Variants in KLK13 observed in about 807,000 individuals in gnomAD.
KLK13 encodes the protein kallikrein related peptidase 13, also known as kallikrein-13.
In KLK13, 19 loss-of-function variants were observed where a neutral mutation model predicts 22.4. That is an observed-to-expected ratio of 0.85 (90% CI 0.59 to 1.24). KLK13 has a LOEUF of 1.24. Among genes scored for constraint, KLK13 ranks in the 50% most tolerant of loss-of-function variants. The pLI, the probability that KLK13 is intolerant of heterozygous loss-of-function variation, is 0.00. For synonymous variants in KLK13, 156 were observed against 141.8 expected (o/e 1.10, Z -0.71); for missense variants, 311 against 347.9 (o/e 0.89, Z 0.84).
At position 51,056,263 on chromosome 19, in the gene KLK13, T is replaced by A; in HGVS notation, c.*324A>T. On this transcript the variant is annotated 3_prime_UTR_variant, in exon 5 of 5. Transcript: ENST00000595793. ...TGTTGAGATGGGCTGATGGAAATAT[T>A]TAAGAATGTGCCACAGACAGAACGT... 1 of 298,628 alleles carries A rather than the reference T, an allele frequency of 3.3e-6. No individual in the cohort carries two copies. The highest frequency in any genetic ancestry group is 6.3e-6 in the Non-Finnish European group (1 of 159,016). The allele number at this position is 298,628 out of a possible 1,614,324, so 18.5% of individuals were successfully genotyped here.
At position 51,060,583 on chromosome 19, in the gene KLK13, T is replaced by A. The variant is rs778782075; in HGVS notation, c.89A>T (p.Asn30Ile). The change falls in exon 2 of 5, where the codon AAT (asparagine) becomes ATT (isoleucine). Residue 30 changes from asparagine to isoleucine, a missense_variant. By Grantham distance (149) the Asn-to-Ile change is moderately radical. Coordinates refer to ENST00000595793, the MANE Select transcript of KLK13 (RefSeq NM_015596.3). The part of the protein sequence containing the change: ...SQESSKVLNT[N>I]GTSGFLPGGY... ...ACCTGGGAGAAACCCACTGGTCCCA[T>A]TGGTGTTGAGAACCTTGGAAGACTC... 6.2e-7 allele frequency: 1 copy of A among 1,612,384 alleles called. No homozygotes were observed. The highest frequency in any genetic ancestry group is 1.1e-5 in the South Asian group (1 of 90,860).
Position 51,058,467 on chromosome 19 carries a change from T to C in KLK13, c.645+71A>G. 4.4e-6 allele frequency: 7 copies of C among 1,578,822 alleles called. No homozygotes were observed. The South Asian group carries it at 5.6e-5, about 13-fold the overall frequency. On this transcript the variant is annotated intron_variant, in intron 4 of 4. Coordinates refer to ENST00000595793, the MANE Select transcript of KLK13 (RefSeq NM_015596.3). ...CCCTAAGGCTGGAAACAAAGCTTTT[T>C]CCCCAGCATCTGTCACTTCCATTCT...
rs939738010 is a variant in KLK13, at chr19:51,058,585, T to C, written c.598A>G (p.Asn200Asp). 6.2e-7 allele frequency: 1 copy of C among 1,614,162 alleles called. No individual in the cohort carries two copies. Among genetic ancestry groups the C allele is most frequent in the Non-Finnish European group, 8.5e-7 (1 of 1,180,018 alleles). ...RQVYPGKITD[N>D]MLCAGTKEGG... is the part of the protein sequence containing the mutation. ...TCTTTTGTGCCGGCACACAACATGTTGTCAGTGATCTTTCCTGGGTAGACT... is the reference window on the plus strand; with the variant it reads ...TCTTTTGTGCCGGCACACAACATGTCGTCAGTGATCTTTCCTGGGTAGACT... Residue 200 changes from asparagine (N) to aspartate (D), a missense_variant, in exon 4 of 5, where the codon AAC (asparagine) becomes GAC (aspartate). Asn to Asp is a conservative substitution (Grantham distance 23). Coordinates refer to ENST00000595793, the MANE Select transcript of KLK13 (RefSeq NM_015596.3).
chr19:51,056,306 C>T lies in KLK13; in HGVS notation c.*281G>A, dbSNP rs1333773524. On this transcript the variant is annotated 3_prime_UTR_variant, in exon 5 of 5. Transcript: ENST00000595793. ...CAGAACGTTCAGGTGGTGATCTGGG[C>T]TCATAGAAGCCACACTGATGAAGTT... 4.9e-6 allele frequency: 2 copies of T among 409,844 alleles called. No homozygotes were observed. The highest frequency in any genetic ancestry group is 4.0e-5 in the African/African-American group (2 of 49,718). 25.4% of individuals were successfully genotyped at this position (409,844 alleles called of 1,614,324 possible).
chr19:51,060,148 C>A, intron 2 of KLK13, 55 bp from the exon 3 acceptor site: 1 of 1,596,728 alleles, frequency 6.3e-7, no homozygotes, highest in Non-Finnish European at 8.5e-7. Flanking sequence ...TTTCCATCCC[C>A]ATCCCAGCCC....
At position 51,059,982 on chromosome 19, in the gene KLK13, G is replaced by T. The variant is rs1369045672; in HGVS notation, c.351C>A (p.Thr117=). The T allele has an allele frequency of 6.2e-7, 1 of 1,613,618 alleles. No homozygotes were observed. The highest frequency in any genetic ancestry group is 8.5e-7 in the Non-Finnish European group (1 of 1,179,686). Residue 117 remains threonine (T), a synonymous_variant, in exon 3 of 5, where the codon ACC becomes ACA. Coordinates refer to ENST00000595793, the MANE Select transcript of KLK13 (RefSeq NM_015596.3). ...IPHPEYRRSP[T]HLNHDHDIML... is the part of the protein sequence containing the mutation. ...TGATGTCATGGTCGTGGTTCAGGTG[G>T]GTGGGGCTTCTCCGGTATTCAGGGT...
chr19:51,056,480 G>T lies in KLK13; in HGVS notation c.*107C>A. ...GAGATTGAGCATTTTTCAGGACATG[G>T]ATCACTGGTTCAAATGGAACACTGG... On this transcript the variant is annotated 3_prime_UTR_variant, in exon 5 of 5. Transcript: ENST00000595793. 1 of 1,159,916 alleles carries T rather than the reference G, an allele frequency of 8.6e-7. No homozygotes were observed. The highest frequency in any genetic ancestry group is 1.3e-6 in the Non-Finnish European group (1 of 794,606). The allele number at this position is 1,159,916 out of a possible 1,614,324, so 71.9% of individuals were successfully genotyped here.
In KLK13 at chr19:51,059,880, TAG is replaced by T; in HGVS notation, c.451_452del (p.Leu151AsnfsTer36). The T allele has an allele frequency of 6.2e-7, 1 of 1,604,238 alleles. No individual in the cohort carries two copies. Among genetic ancestry groups the T allele is most frequent in the Non-Finnish European group, 8.5e-7 (1 of 1,174,804 alleles). ...ACACCCGACAGGTGGTGCCAGGGGT[TAG>T]GCGGTTGTTGTGGGAAAGGGGCAGG... ...QTLPLSHNNRLTPGTTCRVSG... is the reference protein window; with the variant it reads ...QTLPLSHNNRXTPGTTCRVSG... On this transcript the variant is annotated frameshift_variant, in exon 3 of 5. Coordinates refer to ENST00000595793, the MANE Select transcript of KLK13 (RefSeq NM_015596.3). LOFTEE classifies it high-confidence loss of function.
In KLK13 at chr19:51,056,733, C is replaced by T. The variant is rs2091679013; in HGVS notation, c.688G>A (p.Gly230Ser). ...GPLVCNRTLY[G>S]IVSWGDFPCG... is the part of the protein sequence containing the mutation. ...GGGAAGTCTCCCCAGGAGACGATGC[C>T]ATACAGTGTTCTGTTACAGACCAGG... Residue 230 changes from glycine (G) to serine (S), a missense_variant, in exon 5 of 5, where the codon GGC becomes AGC. Transcript: ENST00000595793. The T allele has an allele frequency of 3.1e-6, 5 of 1,614,172 alleles. No homozygotes were observed. Among genetic ancestry groups the T allele is most frequent in the Non-Finnish European group, 3.4e-6 (4 of 1,180,008 alleles).
chr19:51,060,408 C>G, intron 2 of KLK13, 25 bp downstream of exon 2: 2 of 1,549,132 alleles, frequency 1.3e-6, no homozygotes, highest in South Asian at 1.2e-5. Context: ...CATCCCTACC[C>G]CATGCTCCCC....
Position 51,056,207 on chromosome 19 carries a change from G to C in KLK13, c.*380C>G. On this transcript the variant is annotated 3_prime_UTR_variant, in exon 5 of 5. Coordinates refer to ENST00000595793, the MANE Select transcript of KLK13 (RefSeq NM_015596.3). ...AATACTTGAAGAGTTAGAGGATGTT[G>C]TCAAGGATGGTCCATTTATAGGACA... The C allele has an allele frequency of 5.2e-6, 1 of 193,098 alleles. No homozygotes were observed. The highest frequency in any genetic ancestry group is 5.7e-5 in the Admixed American group (1 of 17,584). The allele number at this position is 193,098 out of a possible 1,614,324, so 12.0% of individuals were successfully genotyped here. A position where few individuals can be genotyped will look rare whatever the true frequency, so the allele number is the denominator to read the frequency against.
chr19:51,064,586 T>TCGAC (rs2091761198), intron 1 of KLK13: 1 of 509,504 alleles, frequency 2.0e-6, no homozygotes, highest in South Asian at 1.5e-5. Flanking sequence ...TACTGAAGGC[T>TCGAC]CGACGCATTA....
rs1473747042 is a variant in KLK13 at position 51,055,879 on chromosome 19, C to T, written c.*708G>A. On this transcript the variant is annotated 3_prime_UTR_variant, in exon 5 of 5. Coordinates refer to ENST00000595793, the MANE Select transcript of KLK13 (RefSeq NM_015596.3). ...TCAGGCAAGAAGACCCTTTGGTATACTGAACCCTATAACTCTAGAGACTAG... is the reference window on the plus strand; with the variant it reads ...TCAGGCAAGAAGACCCTTTGGTATATTGAACCCTATAACTCTAGAGACTAG... Among the ~76,000 whole-genome samples the T allele has an allele frequency of 6.6e-6, 1 of 152,182 alleles. No homozygotes were observed. The highest frequency in any genetic ancestry group is 1.5e-5 in the Non-Finnish European group (1 of 68,034).
intron 1 of KLK13, chr19:51,063,674 C>G (rs2091750176): frequency 4.4e-6 from 2 of 456,654 alleles, no homozygotes; most frequent in East Asian, 1.4e-4. Context: ...GGGCATGAAT[C>G]CAGGGAGTGT....
At position 51,059,981 on chromosome 19, in the gene KLK13, G is replaced by A. The variant is rs772807168; in HGVS notation, c.352C>T (p.His118Tyr). 6 of 1,613,508 alleles carry A rather than the reference G, an allele frequency of 3.7e-6. No individual in the cohort carries two copies. In the Admixed American group the frequency reaches 1.0e-4, roughly 27 times the overall value. Residue 118 changes from histidine (H) to tyrosine (Y), a missense_variant, in exon 3 of 5, where the codon CAC becomes TAC. By Grantham distance (83) the His-to-Tyr change is moderately conservative. Coordinates refer to ENST00000595793, the MANE Select transcript of KLK13 (RefSeq NM_015596.3). ...ATGATGTCATGGTCGTGGTTCAGGTGGGTGGGGCTTCTCCGGTATTCAGGG... is the reference window on the plus strand; with the variant it reads ...ATGATGTCATGGTCGTGGTTCAGGTAGGTGGGGCTTCTCCGGTATTCAGGG... Reference protein sequence around the residue: ...PHPEYRRSPTHLNHDHDIMLL... With the variant: ...PHPEYRRSPTYLNHDHDIMLL...
At chr19:51,064,944 TC>T in intron 1 of KLK13, 71 bp downstream of exon 1, 3 of 980,930 alleles carry the variant, frequency 3.1e-6, no homozygotes, top group Non-Finnish European at 2.9e-6. Context: ...CCACGCCCCC[TC>T]CCCCTCCGGC....
At chr19:51,060,406 C>A in intron 2 of KLK13, 27 bp downstream of exon 2, 1 of 1,547,174 alleles carries the variant, frequency 6.5e-7, no homozygotes, top group South Asian at 1.2e-5. Context: ...CTCATCCCTA[C>A]CCCATGCTCC....
In KLK13 at chr19:51,061,997, T is replaced by C. The variant is rs1472662178; in HGVS notation, c.53-1378A>G. ...GACATTTTATACTTGCTATTTCCTC[T>C]CTCTGCACAGTCCTTTCTCCAGACC... On this transcript the variant is annotated intron_variant, in intron 1 of 4. Coordinates refer to ENST00000595793, the MANE Select transcript of KLK13 (RefSeq NM_015596.3). 2.0e-5 allele frequency among the ~76,000 whole-genome samples: 3 copies of C among 152,220 alleles called. No individual in the cohort carries two copies. The East Asian group carries it at 5.8e-4, about 29-fold the overall frequency.
At chr19:51,056,890 G>T in intron 4 of KLK13, 115 bp from the exon 5 acceptor site, 2 of 727,904 alleles carry the variant, frequency 2.7e-6, no homozygotes, top group Non-Finnish European at 4.5e-6. Flanking sequence ...CACAGAGAAG[G>T]AGACTCAGAG....
Sources: gnomAD v4.1 joint callset for allele counts (sites outside exome capture counted in the v4.1 genomes callset) on GRCh38, gnomAD v4.1.1 for gene constraint, MANE v1.5 for transcripts, NCBI Gene and HGNC (gene_info 2026-07-23, HGNC 2026-07-21) for gene names.